Variants in DIRAS2 observed in about 807,000 individuals in gnomAD.
DIRAS2 encodes GTP-binding protein Di-Ras2.
In DIRAS2, 5 loss-of-function variants were observed where a neutral mutation model predicts 13.9. That is an observed-to-expected ratio of 0.36 (90% CI 0.19 to 0.76). DIRAS2 has a LOEUF of 0.76. Ranked by LOEUF, DIRAS2 falls within the 30% of genes least tolerant of loss-of-function variation. DIRAS2 has a pLI of 0.53. For missense variants in DIRAS2, 191 were observed against 263.0 expected (o/e 0.73, Z 1.89); for synonymous variants, 111 against 105.4 (o/e 1.05, Z -0.33).
intron 1 of DIRAS2, among the ~76,000 whole-genome samples, chr9:90,618,307 A>G (rs1435642639): frequency 2.0e-5 from 3 of 152,192 alleles, no homozygotes; most frequent in African/African-American, 7.2e-5. Flanking sequence ...GTGTCAATAA[A>G]ATTCAATTCA....
chr9:90,617,960 G>A (rs1272731252), intron 1 of DIRAS2, among the ~76,000 whole-genome samples: 1 of 152,166 alleles, frequency 6.6e-6, no homozygotes, highest in Non-Finnish European at 1.5e-5. Context: ...TCATGTATCA[G>A]AGGACTTTTA....
At chr9:90,632,522 C>A (rs1365733630) in intron 1 of DIRAS2, among the ~76,000 whole-genome samples, 1 of 152,254 alleles carries the variant, frequency 6.6e-6, no homozygotes, top group Non-Finnish European at 1.5e-5. Flanking sequence ...TCTGTGGCAT[C>A]TTCCCACTTT....
chr9:90,613,724 C>T lies in DIRAS2; in HGVS notation c.104G>A (p.Ser35Asn), dbSNP rs144995318. 1.2e-6 allele frequency: 2 copies of T among 1,614,016 alleles called. No individual in the cohort carries two copies. The highest frequency in any genetic ancestry group is 2.7e-5 in the African/African-American group (2 of 74,888). The change falls in exon 2 of 2, where the codon AGC becomes AAC. Residue 35 changes from serine (S) to asparagine (N), a missense_variant. By Grantham distance (46) the Ser-to-Asn change is conservative (BLOSUM62 1). Coordinates refer to ENST00000375765, the MANE Select transcript of DIRAS2 (RefSeq NM_017594.5). The surrounding 1 kb of genome is among the most constrained non-coding windows in gnomAD (Gnocchi z 5.6). ...GGTGTCTTCCACCGTCGGGATGTAG[C>T]TCTCCCGGAATGTGCCTTTCACAAA... ...LRFVKGTFRESYIPTVEDTYR... is the reference protein window; with the variant it reads ...LRFVKGTFRENYIPTVEDTYR...
chr9:90,634,922 C>T lies in DIRAS2; in HGVS notation c.-37+7830G>A, dbSNP rs563590470. On this transcript the variant is annotated intron_variant, in intron 1 of 1. Coordinates refer to ENST00000375765, the MANE Select transcript of DIRAS2 (RefSeq NM_017594.5). Reference sequence around the variant, plus strand: ...CACTCAAATATTCATCAGATAGCAACGACCCAAACAGCCTGAATCCTTATT... The same window carrying T: ...CACTCAAATATTCATCAGATAGCAATGACCCAAACAGCCTGAATCCTTATT... 7.9e-5 allele frequency among the ~76,000 whole-genome samples: 12 copies of T among 152,334 alleles called. 1 individual carries two copies. Among genetic ancestry groups the T allele is most frequent in the East Asian group, 3.9e-4 (2 of 5,192 alleles).
In DIRAS2 at chr9:90,610,789, C is replaced by A. The variant is rs1025793464; in HGVS notation, c.*2439G>T. On this transcript the variant is annotated 3_prime_UTR_variant, in exon 2 of 2. Coordinates refer to ENST00000375765, the MANE Select transcript of DIRAS2 (RefSeq NM_017594.5). ...ATTGAGGCTTCAATAGCCTTCCTAG[C>A]CTATAAATTCACAGAAAAAATATGA... The A allele has an allele frequency of 8.5e-5, 16 of 187,694 alleles. No individual in the cohort carries two copies. Among genetic ancestry groups the A allele is most frequent in the African/African-American group, 3.7e-4 (15 of 40,832 alleles). 11.6% of individuals were successfully genotyped at this position (187,694 alleles called of 1,614,324 possible).
At chr9:90,641,172 T>C (rs1370618712) in intron 1 of DIRAS2, among the ~76,000 whole-genome samples, 3 of 152,226 alleles carry the variant, frequency 2.0e-5, no homozygotes, top group African/African-American at 7.2e-5. Context: ...GCTGGGTTGT[T>C]AGACACAAGC....
chr9:90,621,481 A>T (rs1279660032), intron 1 of DIRAS2, among the ~76,000 whole-genome samples: 1 of 152,202 alleles, frequency 6.6e-6, no homozygotes, highest in Non-Finnish European at 1.5e-5. Flanking sequence ...CAAATCACTC[A>T]ACTCACAAAG....
chr9:90,629,430 A>T (rs956961540), intron 1 of DIRAS2, among the ~76,000 whole-genome samples: 1 of 152,058 alleles, frequency 6.6e-6, no homozygotes, highest in African/African-American at 2.4e-5. Flanking sequence ...CTGGAAAAAC[A>T]TTTTCCCGCT....
At chr9:90,627,773 G>A (rs1257384890) in intron 1 of DIRAS2, among the ~76,000 whole-genome samples, 5 of 152,136 alleles carry the variant, frequency 3.3e-5, no homozygotes, top group African/African-American at 1.2e-4. Context: ...TAAAGATAAT[G>A]TCCATAACGA....
chr9:90,628,890 T>C (rs529894439), intron 1 of DIRAS2, among the ~76,000 whole-genome samples: 20 of 151,726 alleles, frequency 1.3e-4, no homozygotes, highest in Admixed American at 3.9e-4. Flanking sequence ...AGTCTCGTTC[T>C]GTCGCCCAGG....
Position 90,610,743 on chromosome 9 carries a change from A to G in DIRAS2, c.*2485T>C, listed in dbSNP as rs779468171. ...TCCTCAGTTCAGCTCATAGAAAACG[A>G]TCTCAAAATGAAGACCCATAATTGA... is the stretch of plus-strand genomic sequence containing the variant. On this transcript the variant is annotated 3_prime_UTR_variant, in exon 2 of 2. Coordinates refer to ENST00000375765, the MANE Select transcript of DIRAS2 (RefSeq NM_017594.5). 2 of 263,982 alleles carry G rather than the reference A, an allele frequency of 7.6e-6. No individual in the cohort carries two copies. Among genetic ancestry groups the G allele is most frequent in the African/African-American group, 4.4e-5 (2 of 45,672 alleles). The allele number at this position is 263,982 out of a possible 1,614,324, so 16.4% of individuals were successfully genotyped here.
chr9:90,618,652 G>A (rs141837484), intron 1 of DIRAS2, among the ~76,000 whole-genome samples: 1 of 152,086 alleles, frequency 6.6e-6, no homozygotes, highest in African/African-American at 2.4e-5. Flanking sequence ...TCTGATAAGG[G>A]ACTAGTTCTG....
At chr9:90,617,099 C>A (rs1159457540) in intron 1 of DIRAS2, among the ~76,000 whole-genome samples, 1 of 152,200 alleles carries the variant, frequency 6.6e-6, no homozygotes, top group Non-Finnish European at 1.5e-5. Context: ...GGAAATAGAG[C>A]TAATGCTCAT....
chr9:90,610,196 T>A lies in DIRAS2; in HGVS notation c.*3032A>T, dbSNP rs181018648. ...AAATTAAGTATCACAGAGCAATTTT[T>A]AAAATATTTAATACATTTTTGTTCT... On this transcript the variant is annotated 3_prime_UTR_variant, in exon 2 of 2. Transcript: ENST00000375765. The A allele has an allele frequency of 2.6e-4, 97 of 373,504 alleles. 2 individuals are homozygous for A. In the East Asian group the frequency reaches 3.5e-3, roughly 13 times the overall value. The allele number at this position is 373,504 out of a possible 1,614,324, so 23.1% of individuals were successfully genotyped here.
chr9:90,613,206 G>T lies in DIRAS2; in HGVS notation c.*22C>A. The T allele has an allele frequency of 6.3e-7, 1 of 1,595,456 alleles. No individual in the cohort carries two copies. Among genetic ancestry groups the T allele is most frequent in the South Asian group, 1.1e-5 (1 of 87,846 alleles). ...AGTGAGGTGCCGGGGACACACAGCT[G>T]CTCCTCCCGCAGGAAGGGCCTTCAC... On this transcript the variant is annotated 3_prime_UTR_variant, in exon 2 of 2. Coordinates refer to ENST00000375765, the MANE Select transcript of DIRAS2 (RefSeq NM_017594.5). This position sits in a 1 kb window ranked among gnomAD's most constrained non-coding sequence, Gnocchi z 5.6.
At position 90,611,621 on chromosome 9, in the gene DIRAS2, G is replaced by A. The variant is rs1378432197; in HGVS notation, c.*1607C>T. ...GGGACAGGAGAAACAGCAGTTGCAG[G>A]AGGTGGCCTGGTCAAACATCCCCAA... On this transcript the variant is annotated 3_prime_UTR_variant, in exon 2 of 2. Transcript: ENST00000375765. 2.0e-5 allele frequency: 3 copies of A among 152,268 alleles called. No individual in the cohort carries two copies. The highest frequency in any genetic ancestry group is 4.4e-5 in the Non-Finnish European group (3 of 68,098). The allele number at this position is 152,268 out of a possible 1,614,324, so 9.4% of individuals were successfully genotyped here.
In DIRAS2 at chr9:90,638,592, T is replaced by C. The variant is rs138802049; in HGVS notation, c.-37+4160A>G. Among the ~76,000 whole-genome samples, 214 of 152,178 alleles carry C rather than the reference T, an allele frequency of 1.4e-3. 1 individual carries two copies. The highest frequency in any genetic ancestry group is 2.1e-3 in the Admixed American group (32 of 15,264). ...AGTCAATCCCTTTTTAAGTGTCAGA[T>C]GATTGTTTTATAGGCAAGGAGGCAA... On this transcript the variant is annotated intron_variant, in intron 1 of 1. Coordinates refer to ENST00000375765, the MANE Select transcript of DIRAS2 (RefSeq NM_017594.5).
intron 1 of DIRAS2, among the ~76,000 whole-genome samples, chr9:90,627,948 C>A (rs1432066066): frequency 6.6e-6 from 1 of 151,800 alleles, no homozygotes; most frequent in Non-Finnish European, 1.5e-5. Flanking sequence ...TTGATAGGTG[C>A]AGCAAACCAC....
At chr9:90,620,690 G>T (rs183535124) in intron 1 of DIRAS2, among the ~76,000 whole-genome samples, 1 of 151,364 alleles carries the variant, frequency 6.6e-6, no homozygotes, top group East Asian at 1.9e-4. Flanking sequence ...CAGGAGCAGA[G>T]ATCACGCCAC....
Sources: allele counts gnomAD v4.1 joint callset (sites outside exome capture counted in the v4.1 genomes callset), GRCh38; gene constraint gnomAD v4.1.1; non-coding constraint Gnocchi (gnomAD v3.1); transcripts MANE v1.5; gene names NCBI Gene and HGNC (gene_info 2026-07-23, HGNC 2026-07-21).